The following SCN10A variants were observed in gnomAD, a reference collection of about 807,000 sequenced individuals.
The protein encoded by SCN10A is sodium channel protein type 10 subunit alpha.
In SCN10A, 162 loss-of-function variants were observed where a neutral mutation model predicts 170.7. The ratio of observed to expected loss-of-function variants is 0.95; its 90% CI spans 0.84 to 1.08. The LOEUF (loss-of-function observed/expected upper bound fraction) is 1.08. Ranked by LOEUF, SCN10A falls within the 50% of genes least tolerant of loss-of-function variation. SCN10A has a pLI of 0.00. For missense variants in SCN10A, 2,527 were observed against 2,436.9 expected (o/e 1.04, Z -0.78); for synonymous variants, 985 against 904.6 (o/e 1.09, Z -1.59).
In SCN10A at chr3:38,756,867, A is replaced by T. The variant is rs2063812899; in HGVS notation, c.1097T>A (p.Leu366Gln). 1 of 1,614,082 alleles carries T rather than the reference A, an allele frequency of 6.2e-7. No homozygotes were observed. ...CATATAGATTTTCCCAGAAGTCCTC[A>T]GGGTCTGCAGGTTCAAGGGAAAGAA... ...DSWERLYQQTLRTSGKIYMIF... is the reference protein window; with the variant it reads ...DSWERLYQQTQRTSGKIYMIF... The change falls in exon 10 of 28, where the codon CTG becomes CAG. Residue 366 changes from leucine (L) to glutamine (Q), a missense_variant. Physicochemically the swap from Leu to Gln is moderately radical, Grantham distance 113. Coordinates refer to ENST00000449082, the MANE Select transcript of SCN10A (RefSeq NM_006514.4).
At chr3:38,747,420 A>T (rs2063703176) in intron 13 of SCN10A, among the ~76,000 whole-genome samples, 1 of 152,216 alleles carries the variant, frequency 6.6e-6, no homozygotes. Flanking sequence ...AAATCATAAT[A>T]GCCAAATGTG....
chr3:38,779,767 C>T (rs1264978226), intron 4 of SCN10A, among the ~76,000 whole-genome samples: 1 of 151,692 alleles, frequency 6.6e-6, no homozygotes, highest in Non-Finnish European at 1.5e-5. Flanking sequence ...GTCTTTTGTC[C>T]AAGAATTCTT....
At chr3:38,778,163 C>G (rs544487528) in intron 4 of SCN10A, among the ~76,000 whole-genome samples, 1 of 152,102 alleles carries the variant, frequency 6.6e-6, no homozygotes, top group South Asian at 2.1e-4. Context: ...CCCACTTCCC[C>G]GTTTGCAGTA....
At chr3:38,794,971 C>G (rs766674528) in intron 1 of SCN10A, among the ~76,000 whole-genome samples, 5 of 152,130 alleles carry the variant, frequency 3.3e-5, no homozygotes, top group Non-Finnish European at 5.9e-5. Flanking sequence ...AGGTATCTTC[C>G]TACATTCTAA....
chr3:38,805,686 G>C (rs933638141), intron 1 of SCN10A, among the ~76,000 whole-genome samples: 6 of 152,136 alleles, frequency 3.9e-5, no homozygotes, highest in Non-Finnish European at 5.9e-5. Flanking sequence ...GCTGTTTGTG[G>C]TGACGAAAGT....
At chr3:38,728,391 T>G in intron 16 of SCN10A, 151 bp downstream of exon 16, 1 of 779,282 alleles carries the variant, frequency 1.3e-6, no homozygotes, top group East Asian at 2.7e-5. Flanking sequence ...CTTCTTGTAA[T>G]GAATCCCACA....
In SCN10A at chr3:38,757,124, GA is replaced by G; in HGVS notation, c.985del (p.Ser329LeufsTer25). 6.2e-7 allele frequency: 1 copy of G among 1,612,654 alleles called. No individual in the cohort carries two copies. The highest frequency in any genetic ancestry group is 8.5e-7 in the Non-Finnish European group (1 of 1,179,306). On this transcript the variant is annotated frameshift_variant, in exon 9 of 28. Transcript: ENST00000449082. LOFTEE classifies it high-confidence loss of function. Reference protein sequence around the residue: ...CPDGYICLKTSDNPDFNYTSF... With the variant: ...CPDGYICLKTXDNPDFNYTSF... ...GGTGTAGTTAAAATCCGGGTTGTCAGAAGTTTTAAGGCAGATATAACCATCA... is the reference window on the plus strand; with the variant it reads ...GGTGTAGTTAAAATCCGGGTTGTCAGAGTTTTAAGGCAGATATAACCATCA...
At position 38,726,838 on chromosome 3, in the gene SCN10A, G is replaced by T. The variant is rs774315933; in HGVS notation, c.2855C>A (p.Pro952Gln). 6.2e-7 allele frequency: 1 copy of T among 1,613,926 alleles called. No homozygotes were observed. Among genetic ancestry groups the T allele is most frequent in the South Asian group, 1.1e-5 (1 of 91,078 alleles). The change falls in exon 17 of 28, where the codon CCA becomes CAA. Residue 952 changes from proline to glutamine, a missense_variant. Transcript: ENST00000449082. ...KAEPELVVKL[P>Q]LSSSKAENHI... ...GTTCTCAGCCTTGGAGCTGGAGAGT[G>T]GGAGTTTCACCACCAGCTCAGGCTC...
intron 4 of SCN10A, among the ~76,000 whole-genome samples, chr3:38,772,289 T>C (rs919761681): frequency 6.9e-6 from 1 of 145,656 alleles, no homozygotes; most frequent in African/African-American, 2.6e-5. Flanking sequence ...GAAGGATGCT[T>C]CTAACACCAG....
At chr3:38,769,611 C>T (rs1193277890) in intron 5 of SCN10A, among the ~76,000 whole-genome samples, 1 of 152,132 alleles carries the variant, frequency 6.6e-6, no homozygotes, top group South Asian at 2.1e-4. Flanking sequence ...CTAGTTTGAT[C>T]TTTTGAGGGG....
rs2063806701 is a variant in SCN10A at position 38,756,528 on chromosome 3, A to C, written c.1290+146T>G. 5.7e-6 allele frequency: 4 copies of C among 707,556 alleles called. No individual in the cohort carries two copies. In the South Asian group the frequency reaches 7.0e-5, roughly 12 times the overall value. 43.8% of individuals were successfully genotyped at this position (707,556 alleles called of 1,614,324 possible). On this transcript the variant is annotated intron_variant, in intron 10 of 27. Coordinates refer to ENST00000449082, the MANE Select transcript of SCN10A (RefSeq NM_006514.4). Reference sequence around the variant, plus strand: ...TCCTCACTTAGCTTCTTCTTTGAGAAAACCTGATCTAATATGGTCCCTGAG... The same window carrying C: ...TCCTCACTTAGCTTCTTCTTTGAGACAACCTGATCTAATATGGTCCCTGAG...
At position 38,760,553 on chromosome 3, in the gene SCN10A, G is replaced by T. The variant is rs2063857508; in HGVS notation, c.950+128C>A. The T allele has an allele frequency of 5.2e-6, 4 of 768,768 alleles. No individual in the cohort carries two copies. In the South Asian group the frequency reaches 6.7e-5, roughly 13 times the overall value. 47.6% of individuals were successfully genotyped at this position (768,768 alleles called of 1,614,324 possible). A position where few individuals can be genotyped will look rare whatever the true frequency, so the allele number is the denominator to read the frequency against. On this transcript the variant is annotated intron_variant, in intron 8 of 27. Coordinates refer to ENST00000449082, the MANE Select transcript of SCN10A (RefSeq NM_006514.4). ...TCCCCATGAGCTCTGGGTTGGCAAA[G>T]GCCATGATTTATTTATTTATACATC...
At chr3:38,815,585 G>A (rs1167556920) in intron 1 of SCN10A, among the ~76,000 whole-genome samples, 1 of 152,160 alleles carries the variant, frequency 6.6e-6, no homozygotes, top group Admixed American at 6.5e-5. Context: ...CCACTGACCC[G>A]GAGACCATGC....
At chr3:38,747,197 T>C (rs1053245861) in intron 13 of SCN10A, among the ~76,000 whole-genome samples, 4 of 152,178 alleles carry the variant, frequency 2.6e-5, no homozygotes, top group Non-Finnish European at 5.9e-5. Context: ...TGTCACAGCA[T>C]CTTCCTTGAG....
intron 4 of SCN10A, 57 bp from the exon 5 acceptor site, chr3:38,771,464 T>C: frequency 1.3e-6 from 2 of 1,584,834 alleles, no homozygotes; most frequent in Admixed American, 3.4e-5. Context: ...ACTCAGGGGG[T>C]TCCTTCTTCC....
chr3:38,769,968 G>A (rs1185370358), intron 5 of SCN10A, among the ~76,000 whole-genome samples: 1 of 152,206 alleles, frequency 6.6e-6, no homozygotes, highest in East Asian at 1.9e-4. Context: ...GGTGGCAGAG[G>A]AATGAAGTAG....
intron 26 of SCN10A, 94 bp from the exon 27 acceptor site, chr3:38,702,203 TC>T: frequency 7.5e-7 from 1 of 1,331,996 alleles, no homozygotes; most frequent in East Asian, 2.4e-5. Flanking sequence ...TCCATCACAC[TC>T]CACATCTTAA....
chr3:38,791,999 T>A (rs200087066), intron 3 of SCN10A, 51 bp downstream of exon 3: 11 of 1,603,864 alleles, frequency 6.9e-6, no homozygotes, highest in African/African-American at 1.3e-5. Flanking sequence ...CTGGACACAG[T>A]AGGCAAGGTC....
At chr3:38,699,585 G>A (rs181460611) in intron 27 of SCN10A, among the ~76,000 whole-genome samples, 49 of 152,244 alleles carry the variant, frequency 3.2e-4, no homozygotes, top group African/African-American at 1.1e-3. Flanking sequence ...GTTGGAAAGA[G>A]GAAGAAAGTA....
Sources: allele counts gnomAD v4.1 joint callset (sites outside exome capture counted in the v4.1 genomes callset), GRCh38; gene constraint gnomAD v4.1.1; transcripts MANE v1.5; gene names NCBI Gene and HGNC (gene_info 2026-07-23, HGNC 2026-07-21).